Variants in LRRC4C observed in about 807,000 individuals in gnomAD.
The protein encoded by LRRC4C is leucine rich repeat containing 4C, also known as leucine-rich repeat-containing protein 4C.
Under a neutral mutation model 33.6 loss-of-function variants are expected in LRRC4C, and 5 were observed. That is an observed-to-expected ratio of 0.15 (90% confidence interval 0.08 to 0.31). The LOEUF is 0.31. Ranked by LOEUF, LRRC4C falls within the 10% of genes least tolerant of loss-of-function variation. The pLI is 1.00. For synonymous variants in LRRC4C, 329 were observed against 302.0 expected, an observed-to-expected ratio of 1.09 and a Z score of -0.93; for missense variants, 560 against 796.7, an observed-to-expected ratio of 0.70 and a Z score of 3.58.
intron 1 of LRRC4C, among the ~76,000 whole-genome samples, chr11:41,029,597 C>T (rs1291809221): frequency 6.6e-6 from 1 of 151,702 alleles, no homozygotes; most frequent in African/African-American, 2.4e-5. Flanking sequence ...CTTGTAATTA[C>T]ATTAGCTTTG....
chr11:40,250,143 T>C (rs780893880), intron 4 of LRRC4C, among the ~76,000 whole-genome samples: 15 of 152,226 alleles, frequency 9.9e-5, no homozygotes, highest in Non-Finnish European at 1.9e-4. Context: ...ACCTTCTTTA[T>C]TATCTTGTCC....
intron 2 of LRRC4C, among the ~76,000 whole-genome samples, chr11:40,841,509 T>A (rs1288562018): frequency 2.0e-5 from 3 of 152,160 alleles, no homozygotes; most frequent in Non-Finnish European, 4.4e-5. Context: ...AGAGCAGAGT[T>A]CACTTTTTCT....
At position 40,766,687 on chromosome 11, in the gene LRRC4C, A is replaced by G. The variant is rs182378545; in HGVS notation, c.-406-118409T>C. Among the ~76,000 whole-genome samples, 13 of 142,740 alleles carry G rather than the reference A, an allele frequency of 9.1e-5. No individual in the cohort carries two copies. The Admixed American group carries it at 9.3e-4, about 10-fold the overall frequency. The allele number at this position is 142,740 out of a possible 152,430, so 93.6% of individuals were successfully genotyped here. On this transcript the variant is annotated intron_variant, in intron 2 of 6. Transcript: ENST00000528697. ...ATTATTTTGTTTGCCTGCTTTTACA[A>G]TTAGTGTTGAGTGGTCATCATTTTT...
intron 1 of LRRC4C, among the ~76,000 whole-genome samples, chr11:41,022,142 T>TTTTATATA (rs1555043562): frequency 7.2e-5 from 10 of 139,080 alleles, no homozygotes; most frequent in Non-Finnish European, 1.2e-4. Flanking sequence ...CAATTTTGTT[T>TTTTATATA]TATATATATA....
chr11:41,278,554 A>T lies in LRRC4C; in HGVS notation c.-496+180877T>A, dbSNP rs189379399. ...AAAAAATGTTCTAATGTTTGCAACA[A>T]CAAAAAAGCATCACATGGAGGGCTT... On this transcript the variant is annotated intron_variant, in intron 1 of 6. Transcript: ENST00000528697. 3.8e-4 allele frequency among the ~76,000 whole-genome samples: 58 copies of T among 152,378 alleles called. 1 individual carries two copies. In the East Asian group the frequency reaches 0.011, roughly 28 times the overall value.
intron 4 of LRRC4C, among the ~76,000 whole-genome samples, chr11:40,299,924 AG>A (rs1944688765): frequency 6.6e-6 from 1 of 152,238 alleles, no homozygotes; most frequent in African/African-American, 2.4e-5. Flanking sequence ...AAACTGTATT[AG>A]GCTGTCCTTG....
chr11:40,339,627 T>TA (rs1179741442), intron 3 of LRRC4C, among the ~76,000 whole-genome samples: 1 of 152,310 alleles, frequency 6.6e-6, no homozygotes, highest in East Asian at 1.9e-4. Context: ...AAGCCCTTTT[T>TA]ATCACAGGTC....
At chr11:40,303,700 A>C (rs1195814493) in intron 4 of LRRC4C, among the ~76,000 whole-genome samples, 3 of 152,192 alleles carry the variant, frequency 2.0e-5, no homozygotes, top group Non-Finnish European at 2.9e-5. Flanking sequence ...AAATGCAAAT[A>C]TCTGACAAAA....
intron 1 of LRRC4C, among the ~76,000 whole-genome samples, chr11:41,094,561 G>A (rs1940681233): frequency 6.6e-6 from 1 of 151,926 alleles, no homozygotes; most frequent in Non-Finnish European, 1.5e-5. Flanking sequence ...AGCACCTACT[G>A]AGAGAACTCT....
intron 1 of LRRC4C, among the ~76,000 whole-genome samples, chr11:41,135,962 T>C (rs1943240992): frequency 6.7e-6 from 1 of 149,866 alleles, no homozygotes; most frequent in Admixed American, 6.6e-5. Context: ...TAACCCTTAT[T>C]GGACATCTAC....
chr11:40,981,153 C>T (rs1017804006), intron 1 of LRRC4C, among the ~76,000 whole-genome samples: 1 of 152,100 alleles, frequency 6.6e-6, no homozygotes, highest in Non-Finnish European at 1.5e-5. Context: ...AGGTGGCTCA[C>T]GCCTGTAATC....
At chr11:40,838,908 A>G (rs1243451981) in intron 2 of LRRC4C, among the ~76,000 whole-genome samples, 1 of 152,016 alleles carries the variant, frequency 6.6e-6, no homozygotes, top group Admixed American at 6.6e-5. Flanking sequence ...CTTGATAATC[A>G]GAAAAAAAAA....
intron 1 of LRRC4C, among the ~76,000 whole-genome samples, chr11:41,078,957 T>C (rs923213277): frequency 9.2e-5 from 14 of 152,206 alleles, no homozygotes; most frequent in Admixed American, 3.3e-4. Flanking sequence ...TTTCCTTGTT[T>C]CCACTACTTT....
At chr11:40,465,123 T>C (rs2138225424) in intron 3 of LRRC4C, among the ~76,000 whole-genome samples, 1 of 151,952 alleles carries the variant, frequency 6.6e-6, no homozygotes, top group Admixed American at 6.6e-5. Context: ...CATAAATCAA[T>C]GGAACAGAAT....
intron 2 of LRRC4C, among the ~76,000 whole-genome samples, chr11:40,692,682 G>A (rs1025943923): frequency 2.0e-5 from 3 of 152,044 alleles, no homozygotes; most frequent in African/African-American, 7.2e-5. Flanking sequence ...ATTTTTTGCA[G>A]ATAATTGCTT....
chr11:41,428,044 C>T (rs934352495), intron 1 of LRRC4C, among the ~76,000 whole-genome samples: 5 of 152,050 alleles, frequency 3.3e-5, no homozygotes, highest in African/African-American at 7.2e-5. Flanking sequence ...GGACTCAGCC[C>T]GCCTGCACCC....
chr11:40,367,158 C>T (rs894970731), intron 3 of LRRC4C, among the ~76,000 whole-genome samples: 2 of 152,176 alleles, frequency 1.3e-5, no homozygotes, highest in African/African-American at 4.8e-5. Context: ...ATTTCCAGTG[C>T]TTAGCACACA....
At chr11:40,269,584 A>G (rs1400816901) in intron 4 of LRRC4C, among the ~76,000 whole-genome samples, 1 of 151,460 alleles carries the variant, frequency 6.6e-6, no homozygotes, top group East Asian at 1.9e-4. Flanking sequence ...GACAGTCACC[A>G]CTCCCCTACA....
intron 1 of LRRC4C, among the ~76,000 whole-genome samples, chr11:41,007,358 C>T (rs540421824): frequency 2.7e-4 from 40 of 148,972 alleles, no homozygotes; most frequent in African/African-American, 9.7e-4. Context: ...AATTAAACAA[C>T]AAAAATGCTT....
Sources: allele counts gnomAD v4.1 joint callset (sites outside exome capture counted in the v4.1 genomes callset), GRCh38; gene constraint gnomAD v4.1.1; transcripts MANE v1.5; gene names NCBI Gene and HGNC (gene_info 2026-07-23, HGNC 2026-07-21).